The following MORC3 variants were observed in gnomAD, a reference collection of about 807,000 sequenced individuals.
MORC3 encodes the protein MORC family CW-type zinc finger protein 3.
A neutral mutation model predicts 109.1 loss-of-function variants in MORC3; 31 were observed. That is an observed-to-expected ratio of 0.28 (90% CI 0.21 to 0.38). The LOEUF is 0.38. Among genes scored for constraint, MORC3 ranks in the 10% least tolerant of loss-of-function variants. MORC3 has a pLI of 1.00. For missense variants in MORC3, 867 were observed against 1,135.8 expected (o/e 0.76, Z 3.40); for synonymous variants, 395 against 380.7 (o/e 1.04, Z -0.44).
At chr21:36,333,789 GTTTTT>G in intron 2 of MORC3, 71 bp downstream of exon 2, 2 of 936,716 alleles carry the variant, frequency 2.1e-6, no homozygotes, top group South Asian at 1.8e-5. Flanking sequence ...GTTTTGTTTT[GTTTTT>G]TTTTTTTAAA....
intron 10 of MORC3, among the ~76,000 whole-genome samples, chr21:36,359,556 CTTTTTTTTT>C (rs5843757): frequency 7.5e-5 from 7 of 93,938 alleles, no homozygotes; most frequent in African/African-American, 9.6e-5. Context: ...CTTTCCTCTC[CTTTTTTTTT>C]TTTTTTTTTT....
chr21:36,353,755 A>ATTTTTTTTT (rs1202729285), intron 9 of MORC3, among the ~76,000 whole-genome samples: 8,493 of 70,650 alleles, frequency 0.12, 1,549 homozygotes, highest in Non-Finnish European at 0.14. Context: ...TAATTTTTGT[A>ATTTTTTTTT]TTTTTTTTTT....
chr21:36,321,256 T>G (rs796706573), intron 1 of MORC3, among the ~76,000 whole-genome samples: 12 of 152,344 alleles, frequency 7.9e-5, no homozygotes, highest in African/African-American at 2.9e-4. Context: ...TTAAATTTTT[T>G]CTAGTCCGAT....
At chr21:36,331,376 A>G (rs1316883185) in intron 1 of MORC3, among the ~76,000 whole-genome samples, 2 of 152,162 alleles carry the variant, frequency 1.3e-5, no homozygotes, top group Non-Finnish European at 2.9e-5. Context: ...AGGTAGGCAG[A>G]TCACGAGGTC....
chr21:36,339,744 G>C (rs1241819446), intron 5 of MORC3, among the ~76,000 whole-genome samples: 1 of 152,096 alleles, frequency 6.6e-6, no homozygotes, highest in African/African-American at 2.4e-5. Context: ...AAAGATCTAA[G>C]ACATACTGAA....
At chr21:36,353,134 G>A (rs900838380) in intron 9 of MORC3, among the ~76,000 whole-genome samples, 10 of 150,536 alleles carry the variant, frequency 6.6e-5, no homozygotes, top group African/African-American at 2.4e-5. Flanking sequence ...CGAGGTGGGC[G>A]GATCACGAGG....
intron 14 of MORC3, among the ~76,000 whole-genome samples, chr21:36,368,155 GCA>G (rs930852335): frequency 7.9e-5 from 12 of 152,146 alleles, no homozygotes; most frequent in Admixed American, 4.6e-4. Context: ...TGTGAACTAT[GCA>G]CATATTAACA....
At chr21:36,344,160 C>T (rs2085482622) in intron 6 of MORC3, among the ~76,000 whole-genome samples, 1 of 151,976 alleles carries the variant, frequency 6.6e-6, no homozygotes, top group African/African-American at 2.4e-5. Flanking sequence ...GGGGGTCTCC[C>T]TCTGTCCCCC....
Position 36,338,926 on chromosome 21 carries a change from AC to A in MORC3, c.608+6del, listed in dbSNP as rs144213119. 43,239 of 1,613,288 alleles carry A rather than the reference AC, an allele frequency of 0.027. 739 individuals are homozygous for A. The highest frequency in any genetic ancestry group is 0.068 in the Admixed American group (4,050 of 59,992). ...CATCATTTGGAATCTTAGAAGGTAA[AC>A]GTGGACATAGATGTTGACCGTTTGG... On this transcript the variant is annotated splice_donor_region_variant and intron_variant, in intron 5 of 16. Coordinates refer to ENST00000400485, the MANE Select transcript of MORC3 (RefSeq NM_015358.3).
intron 8 of MORC3, 109 bp downstream of exon 8, chr21:36,345,140 T>C: frequency 8.4e-7 from 1 of 1,191,456 alleles, no homozygotes; most frequent in South Asian, 1.7e-5. Flanking sequence ...CTTTTGCCTA[T>C]AGCTTTTTAA....
At chr21:36,351,057 CTTTTTTTTTT>C (rs748042243) in intron 9 of MORC3, among the ~76,000 whole-genome samples, 3 of 71,428 alleles carry the variant, frequency 4.2e-5, no homozygotes, top group Non-Finnish European at 7.7e-5. Flanking sequence ...GGTTGTCCTC[CTTTTTTTTTT>C]TTTTTTTTTT....
chr21:36,355,132 A>G (rs755136973), intron 9 of MORC3, among the ~76,000 whole-genome samples: 82 of 152,166 alleles, frequency 5.4e-4, no homozygotes, highest in Non-Finnish European at 9.6e-4. Flanking sequence ...TGTCTTCCAC[A>G]GCGTTAACAA....
intron 16 of MORC3, among the ~76,000 whole-genome samples, chr21:36,374,783 C>CA (rs2085910992): frequency 6.6e-6 from 1 of 152,144 alleles, no homozygotes; most frequent in African/African-American, 2.4e-5. Context: ...GGTGATCCCC[C>CA]ACCTCACCCT....
intron 1 of MORC3, among the ~76,000 whole-genome samples, chr21:36,324,813 T>A (rs1167981232): frequency 6.6e-6 from 1 of 151,348 alleles, no homozygotes; most frequent in East Asian, 1.9e-4. Flanking sequence ...GTTCAAGCAG[T>A]TCTCCTGCCT....
intron 9 of MORC3, among the ~76,000 whole-genome samples, chr21:36,351,126 C>A (rs2085567005): frequency 7.1e-6 from 1 of 140,482 alleles, no homozygotes; most frequent in South Asian, 2.3e-4. Flanking sequence ...GTGCAGTGGC[C>A]CCCAGGTCTT....
chr21:36,366,533 GC>G (rs1184682711), intron 14 of MORC3, among the ~76,000 whole-genome samples: 1 of 151,470 alleles, frequency 6.6e-6, no homozygotes, highest in Non-Finnish European at 1.5e-5. Flanking sequence ...TCTGTTTACT[GC>G]AACCTCTGCC....
At chr21:36,357,524 A>G (rs1243754159) in intron 10 of MORC3, among the ~76,000 whole-genome samples, 1 of 151,978 alleles carries the variant, frequency 6.6e-6, no homozygotes, top group Non-Finnish European at 1.5e-5. Context: ...TGCTGGGATT[A>G]TAGGCATGAG....
rs749940525 is a variant in MORC3, at chr21:36,349,388, C to T, written c.1083C>T (p.Phe361=). Residue 361 remains phenylalanine (F), a synonymous_variant, in exon 9 of 17, where the codon TTC becomes TTT. Transcript: ENST00000400485. ...AGCCAACTCATAATAAACAAGATTT[C>T]GACTATACTAATGAGTACAGGTATG... ...FLKPTHNKQD[F]DYTNEYRLTI... is the part of the protein sequence containing the mutation. 25 of 1,606,232 alleles carry T rather than the reference C, an allele frequency of 1.6e-5. No individual in the cohort carries two copies. The highest frequency in any genetic ancestry group is 2.7e-5 in the African/African-American group (2 of 74,580).
chr21:36,356,085 A>G (rs1400819352), intron 9 of MORC3, among the ~76,000 whole-genome samples: 1 of 152,188 alleles, frequency 6.6e-6, no homozygotes, highest in Non-Finnish European at 1.5e-5. Context: ...GAGCCCATCA[A>G]AATAGCAACA....
Sources: gnomAD v4.1 joint callset for allele counts (sites outside exome capture counted in the v4.1 genomes callset) on GRCh38, gnomAD v4.1.1 for gene constraint, MANE v1.5 for transcripts, NCBI Gene and HGNC (gene_info 2026-07-23, HGNC 2026-07-21) for gene names.